ZDHHC13: variants seen among roughly 807,000 people sequenced by gnomAD.
The protein encoded by ZDHHC13 is palmitoyltransferase ZDHHC13.
A neutral mutation model predicts 86.0 loss-of-function variants in ZDHHC13; 85 were observed. The observed-to-expected ratio is 0.99, with a 90% CI of 0.83 to 1.18. The LOEUF (loss-of-function observed/expected upper bound fraction) is 1.18, where lower values mean the gene tolerates loss of function less well. ZDHHC13 is among the 50% of genes most tolerant of loss of function. The probability of loss-of-function intolerance (pLI) is 0.00; values close to 1 mark genes in which losing one functional copy is unlikely to be tolerated. For missense variants in ZDHHC13, 711 were observed against 730.2 expected, an observed-to-expected ratio of 0.97 and a Z score of 0.30; for synonymous variants, 263 against 246.4, an observed-to-expected ratio of 1.07 and a Z score of -0.63.
intron 12 of ZDHHC13, 48 bp downstream of exon 12, chr11:19,164,411 G>C (rs748414363): frequency 1.3e-6 from 2 of 1,552,822 alleles, no homozygotes; most frequent in South Asian, 2.3e-5. Context: ...CAAAGTCTTG[G>C]TAACGTTGCT....
At chr11:19,140,914 T>G in intron 1 of ZDHHC13, among the ~76,000 whole-genome samples, 2 of 85,720 alleles carry the variant, frequency 2.3e-5, no homozygotes, top group South Asian at 4.6e-4. Flanking sequence ...TGGGGACTGT[T>G]GTGGGGTGGG....
chr11:19,163,226 C>T, intron 10 of ZDHHC13, 77 bp from the exon 11 acceptor site: 1 of 1,442,526 alleles, frequency 6.9e-7, no homozygotes. Context: ...TCTTAGGTGC[C>T]AATGATGAAA....
chr11:19,135,431 G>C (rs1206785580), intron 1 of ZDHHC13, among the ~76,000 whole-genome samples: 1 of 152,258 alleles, frequency 6.6e-6, no homozygotes, highest in African/African-American at 2.4e-5. Context: ...TACGCCCATG[G>C]AGTCTCGCTG....
At chr11:19,172,663 G>A in intron 15 of ZDHHC13, 60 bp from the exon 16 acceptor site, 1 of 1,346,410 alleles carries the variant, frequency 7.4e-7, no homozygotes, top group Admixed American at 2.4e-5. Flanking sequence ...ATCTTATATT[G>A]TTTTATTTAT....
rs754405966 is a variant in ZDHHC13, at chr11:19,126,502, A to ATT, written c.27+9252_27+9253dup. 8.4e-3 allele frequency among the ~76,000 whole-genome samples: 797 copies of ATT among 95,120 alleles called. 57 individuals carry two copies. The highest frequency in any genetic ancestry group is 0.033 in the African/African-American group (661 of 19,974). 62.4% of individuals were successfully genotyped at this position (95,120 alleles called of 152,430 possible). On this transcript the variant is annotated intron_variant, in intron 1 of 16. Coordinates refer to ENST00000446113, the MANE Select transcript of ZDHHC13 (RefSeq NM_019028.3). Reference sequence around the variant, plus strand: ...TAGGCACATACCACCACCCTGGCTAATTTTTTTTTTTTTTTTTTTTTTTTT... The same window carrying ATT: ...TAGGCACATACCACCACCCTGGCTAATTTTTTTTTTTTTTTTTTTTTTTTTTT...
At chr11:19,173,583 A>G (rs1392420133) in intron 16 of ZDHHC13, among the ~76,000 whole-genome samples, 2 of 152,162 alleles carry the variant, frequency 1.3e-5, no homozygotes, top group African/African-American at 4.8e-5. Flanking sequence ...AGACAAGGGG[A>G]TCAGAGACTG....
At chr11:19,139,608 T>A (rs1257818797) in intron 1 of ZDHHC13, among the ~76,000 whole-genome samples, 2 of 150,930 alleles carry the variant, frequency 1.3e-5, no homozygotes, top group Non-Finnish European at 3.0e-5. Context: ...CATCGCCAAG[T>A]CAATCCTAAG....
At chr11:19,173,153 T>C (rs1385239160) in intron 16 of ZDHHC13, among the ~76,000 whole-genome samples, 2 of 152,204 alleles carry the variant, frequency 1.3e-5, no homozygotes, top group African/African-American at 4.8e-5. Context: ...TAATTAAGTG[T>C]ATGGCTGAGA....
intron 1 of ZDHHC13, among the ~76,000 whole-genome samples, chr11:19,129,004 A>G (rs1024526345): frequency 2.6e-5 from 4 of 152,222 alleles, no homozygotes; most frequent in Non-Finnish European, 5.9e-5. Context: ...AAATAGCCTA[A>G]TGATATGTTT....
chr11:19,152,661 T>C lies in ZDHHC13; in HGVS notation c.850T>C (p.Trp284Arg), dbSNP rs367839254. Reference protein sequence around the residue: ...KMRANQKFRLWRWLQKCELFL... With the variant: ...KMRANQKFRLRRWLQKCELFL... ...GAGAGCCAACCAAAAGTTCAGACTT[T>C]GGAGGTGGCTGCAGAAATGCGAGGT... The change falls in exon 8 of 17, where the codon TGG (tryptophan) becomes CGG (arginine). Residue 284 changes from tryptophan (W) to arginine (R), a missense_variant. Physicochemically the swap from Trp to Arg is moderately radical, Grantham distance 101. Coordinates refer to ENST00000446113, the MANE Select transcript of ZDHHC13 (RefSeq NM_019028.3). 6.2e-7 allele frequency: 1 copy of C among 1,613,338 alleles called. No individual in the cohort carries two copies. The highest frequency in any genetic ancestry group is 1.1e-5 in the South Asian group (1 of 91,066).
chr11:19,153,427 T>G (rs959296801), intron 8 of ZDHHC13, among the ~76,000 whole-genome samples: 1 of 152,218 alleles, frequency 6.6e-6, no homozygotes, highest in Non-Finnish European at 1.5e-5. Context: ...TAATAATAAT[T>G]AGTAATTGTA....
At chr11:19,151,259 C>T (rs1018244867) in intron 6 of ZDHHC13, among the ~76,000 whole-genome samples, 2 of 152,012 alleles carry the variant, frequency 1.3e-5, no homozygotes, top group Non-Finnish European at 2.9e-5. Context: ...ATGTTCAGAT[C>T]AGGCACTTAC....
intron 1 of ZDHHC13, among the ~76,000 whole-genome samples, chr11:19,135,428 A>G (rs1027645688): frequency 2.0e-5 from 3 of 152,236 alleles, no homozygotes; most frequent in Admixed American, 6.5e-5. Flanking sequence ...GCCTACGCCC[A>G]TGGAGTCTCG....
intron 9 of ZDHHC13, among the ~76,000 whole-genome samples, chr11:19,157,103 G>T (rs758238474): frequency 2.4e-4 from 36 of 152,166 alleles, no homozygotes; most frequent in Non-Finnish European, 1.3e-4. Flanking sequence ...TTTCATAGTT[G>T]GATATGTCAT....
rs1261689965 is a variant in ZDHHC13 at position 19,133,071 on chromosome 11, AAAG to A, written c.28-9901_28-9899del. ...AAATTGCTTAAACATGTACTTTATAAAAGAAGAACTCAAAATGGCCAGTAAACA... is the reference window on the plus strand; with the variant it reads ...AAATTGCTTAAACATGTACTTTATAAAAGAACTCAAAATGGCCAGTAAACA... On this transcript the variant is annotated intron_variant, in intron 1 of 16. Transcript: ENST00000446113. Among the ~76,000 whole-genome samples, 31 of 152,344 alleles carry A rather than the reference AAAG, an allele frequency of 2.0e-4. No homozygotes were observed. The South Asian group carries it at 2.5e-3, about 12-fold the overall frequency.
At chr11:19,164,933 A>T (rs1202789188) in intron 12 of ZDHHC13, 119 bp from the exon 13 acceptor site, 4 of 732,486 alleles carry the variant, frequency 5.5e-6, no homozygotes, top group Non-Finnish European at 9.3e-6. Context: ...GTGTGAATTG[A>T]TGGTCTGTTT....
chr11:19,155,736 AT>A (rs1849738760), intron 8 of ZDHHC13, 59 bp from the exon 9 acceptor site: 2 of 1,563,748 alleles, frequency 1.3e-6, no homozygotes, highest in African/African-American at 2.8e-5. Flanking sequence ...ATATTGCACT[AT>A]TATTAGATAC....
intron 1 of ZDHHC13, among the ~76,000 whole-genome samples, chr11:19,122,916 T>G (rs775200318): frequency 7.9e-5 from 12 of 152,220 alleles, no homozygotes; most frequent in Non-Finnish European, 1.3e-4. Context: ...TATAGTCATT[T>G]TTAGGTTTTA....
chr11:19,168,357 A>G (rs1406824458), intron 14 of ZDHHC13: 2 of 152,166 alleles, frequency 1.3e-5, no homozygotes, highest in African/African-American at 4.8e-5. Flanking sequence ...TTTGTTTGGC[A>G]TCTATGACCA....
Sources: allele counts gnomAD v4.1 joint callset (sites outside exome capture counted in the v4.1 genomes callset), GRCh38; gene constraint gnomAD v4.1.1; transcripts MANE v1.5; gene names NCBI Gene and HGNC (gene_info 2026-07-23, HGNC 2026-07-21).